TMCO4: variants seen among roughly 807,000 people sequenced by gnomAD.
TMCO4 encodes transmembrane and coiled-coil domain-containing protein 4.
Under a neutral mutation model 64.7 loss-of-function variants are expected in TMCO4, and 58 were observed. The observed-to-expected ratio is 0.90, with a 90% CI of 0.73 to 1.12. TMCO4 has a LOEUF of 1.12. Ranked by LOEUF, TMCO4 falls within the 50% of genes most tolerant of loss-of-function variation. The probability of loss-of-function intolerance (pLI) is 0.00; values close to 1 mark genes in which losing one functional copy is unlikely to be tolerated. For synonymous variants in TMCO4, 325 were observed against 346.1 expected (o/e 0.94, Z 0.68); for missense variants, 780 against 825.9 (o/e 0.94, Z 0.68).
At chr1:19,694,713 CAG>C (rs764959006) in intron 14 of TMCO4, among the ~76,000 whole-genome samples, 162 bp from the exon 15 acceptor site, 2 of 152,212 alleles carry the variant, frequency 1.3e-5, no homozygotes, top group Non-Finnish European at 2.9e-5. Flanking sequence ...GAAGCAGCCA[CAG>C]CTGATGCTTT....
chr1:19,729,528 G>A (rs2095421860), intron 13 of TMCO4, among the ~76,000 whole-genome samples: 1 of 151,840 alleles, frequency 6.6e-6, no homozygotes, highest in African/African-American at 2.4e-5. Context: ...CACTTTGGGA[G>A]GCTAAGGTGG....
chr1:19,718,159 C>T (rs1229582973), intron 13 of TMCO4, among the ~76,000 whole-genome samples: 1 of 151,800 alleles, frequency 6.6e-6, no homozygotes, highest in Non-Finnish European at 1.5e-5. Flanking sequence ...ATGGTGAAAC[C>T]CCGTCTCTAC....
intron 13 of TMCO4, among the ~76,000 whole-genome samples, chr1:19,720,635 C>CATAAATAA (rs146702188): frequency 1.3e-5 from 2 of 152,006 alleles, no homozygotes; most frequent in Non-Finnish European, 2.9e-5. Flanking sequence ...TGGGGCTTTG[C>CATAAATAA]ATAAATAAAT....
intron 13 of TMCO4, among the ~76,000 whole-genome samples, chr1:19,716,381 C>CTTTTTTTTTTTT (rs1262772167): frequency 1.2e-4 from 15 of 124,458 alleles, no homozygotes; most frequent in South Asian, 2.6e-4. Context: ...TTTTTTCTTT[C>CTTTTTTTTTTTT]TTTTTTTTTT....
At chr1:19,745,437 T>C (rs931501649) in intron 10 of TMCO4, 95 bp downstream of exon 10, 3 of 1,581,088 alleles carry the variant, frequency 1.9e-6, no homozygotes, top group Non-Finnish European at 2.6e-6. Context: ...GGGCTCCCTA[T>C]ACCTGCTCCC....
chr1:19,722,762 G>A (rs973909592), intron 13 of TMCO4, among the ~76,000 whole-genome samples: 2 of 152,134 alleles, frequency 1.3e-5, no homozygotes, highest in South Asian at 2.1e-4. Flanking sequence ...CCAAGGGAGC[G>A]CTGCTGGTCT....
At chr1:19,794,945 A>G (rs961716894) in intron 2 of TMCO4, among the ~76,000 whole-genome samples, 7 of 152,220 alleles carry the variant, frequency 4.6e-5, no homozygotes, top group African/African-American at 1.4e-4. Flanking sequence ...AGTCAAATTC[A>G]TAGAGACAGA....
chr1:19,706,774 T>C (rs570104973), intron 13 of TMCO4, among the ~76,000 whole-genome samples: 1 of 152,126 alleles, frequency 6.6e-6, no homozygotes, highest in Non-Finnish European at 1.5e-5. Context: ...TGAAAAAAAA[T>C]GTTTCTTTCC....
intron 4 of TMCO4, among the ~76,000 whole-genome samples, chr1:19,779,338 G>A (rs114469694): frequency 3.3e-4 from 50 of 152,248 alleles, no homozygotes; most frequent in African/African-American, 1.2e-3. Flanking sequence ...CATTCTCCCT[G>A]AGAAAAGTCT....
intron 13 of TMCO4, among the ~76,000 whole-genome samples, chr1:19,723,969 C>A (rs2095397657): frequency 6.6e-6 from 1 of 152,202 alleles, no homozygotes; most frequent in African/African-American, 2.4e-5. Flanking sequence ...AGATCAAATG[C>A]ATTTTAGCCG....
At chr1:19,770,466 G>A in intron 6 of TMCO4, 76 bp downstream of exon 6, 1 of 1,550,494 alleles carries the variant, frequency 6.4e-7, no homozygotes, top group African/African-American at 1.4e-5. Flanking sequence ...CCAGGTGGTG[G>A]CACCTCTCAC....
At chr1:19,701,394 A>G (rs1311715243) in intron 13 of TMCO4, among the ~76,000 whole-genome samples, 1 of 151,962 alleles carries the variant, frequency 6.6e-6, no homozygotes, top group Non-Finnish European at 1.5e-5. Context: ...CTGGTCTCCA[A>G]CTCCTGACCT....
At chr1:19,763,819 CT>C (rs1267396317) in intron 6 of TMCO4, among the ~76,000 whole-genome samples, 1 of 152,232 alleles carries the variant, frequency 6.6e-6, no homozygotes, top group Non-Finnish European at 1.5e-5. Context: ...ACCATACACC[CT>C]GTCCATTGCT....
intron 13 of TMCO4, among the ~76,000 whole-genome samples, chr1:19,718,650 CA>C (rs754998314): frequency 7.6e-4 from 48 of 63,300 alleles, no homozygotes; most frequent in Admixed American, 1.0e-3. Context: ...GACCGTCTCT[CA>C]AAAAAAAAAA....
rs2100488208 is a variant in TMCO4, at chr1:19,682,521, AGCTGCCTTCTTT to A, written c.*507_*518del. ...ATTGGATCTCCTAAGAGCAGGAGTG[AGCTGCCTTCTTT>A]GTACCTGCGCCTGCTCTGTTGCTGC... On this transcript the variant is annotated 3_prime_UTR_variant, in exon 16 of 16. Transcript: ENST00000294543. 1.4e-6 allele frequency: 1 copy of A among 696,224 alleles called. No individual in the cohort carries two copies. The highest frequency in any genetic ancestry group is 2.0e-5 in the Admixed American group (1 of 49,180). The allele number at this position is 696,224 out of a possible 1,614,324, so 43.1% of individuals were successfully genotyped here.
At chr1:19,735,942 A>T (rs1461632243) in intron 13 of TMCO4, among the ~76,000 whole-genome samples, 3 of 152,136 alleles carry the variant, frequency 2.0e-5, no homozygotes, top group Non-Finnish European at 4.4e-5. Flanking sequence ...AGATTTGGAG[A>T]GCAGGGAGGA....
chr1:19,699,514 T>TATATATATATATATATATA (rs1557469801), intron 14 of TMCO4, among the ~76,000 whole-genome samples: 2 of 146,084 alleles, frequency 1.4e-5, no homozygotes, highest in African/African-American at 5.1e-5. Context: ...TATATATATA[T>TATATATATATATATATATA]TGAGATGGAG....
intron 14 of TMCO4, among the ~76,000 whole-genome samples, chr1:19,697,758 C>T (rs559395358): frequency 4.1e-4 from 62 of 149,708 alleles, no homozygotes; most frequent in African/African-American, 1.4e-3. Context: ...GCCACCATGC[C>T]TGGCTAATTT....
At chr1:19,684,863 G>A (rs1158877272) in intron 15 of TMCO4, among the ~76,000 whole-genome samples, 1 of 152,168 alleles carries the variant, frequency 6.6e-6, no homozygotes, top group African/African-American at 2.4e-5. Context: ...GAATTCAGAC[G>A]AGATGGCCAG....
Sources: allele counts gnomAD v4.1 joint callset (sites outside exome capture counted in the v4.1 genomes callset), GRCh38; gene constraint gnomAD v4.1.1; transcripts MANE v1.5; gene names NCBI Gene and HGNC (gene_info 2026-07-23, HGNC 2026-07-21).